The following EAF2 variants were observed in gnomAD, a reference collection of about 807,000 sequenced individuals.
EAF2 encodes ELL associated factor 2.
A neutral mutation model predicts 29.4 loss-of-function variants in EAF2; 29 were observed. The ratio of observed to expected loss-of-function variants is 0.99; its 90% CI spans 0.73 to 1.35. EAF2 has a LOEUF of 1.35. Ranked by LOEUF, EAF2 falls within the 40% of genes most tolerant of loss-of-function variation. The pLI is 0.00. For synonymous variants in EAF2, 103 were observed against 102.5 expected (o/e 1.00, Z -0.03); for missense variants, 292 against 312.0 (o/e 0.94, Z 0.48).
At chr3:121,837,809 G>GT (rs1365564667) in intron 1 of EAF2, 3 of 152,196 alleles carry the variant, frequency 2.0e-5, no homozygotes, top group Non-Finnish European at 4.4e-5. Flanking sequence ...GGCATGGGAT[G>GT]TTCTATCAAC....
At chr3:121,884,188 A>C (rs775207417) in intron 5 of EAF2, among the ~76,000 whole-genome samples, 6 of 151,664 alleles carry the variant, frequency 4.0e-5, no homozygotes, top group Admixed American at 6.6e-5. Flanking sequence ...AAATACAAAA[A>C]AATTAGCCAG....
intron 5 of EAF2, among the ~76,000 whole-genome samples, chr3:121,881,230 TG>T (rs1709186420): frequency 6.6e-6 from 1 of 152,202 alleles, no homozygotes; most frequent in Non-Finnish European, 1.5e-5. Flanking sequence ...CCTCATAGAA[TG>T]AGTTTGGAAG....
intron 4 of EAF2, 66 bp downstream of exon 4, chr3:121,857,222 G>A: frequency 7.0e-6 from 10 of 1,428,566 alleles, no homozygotes; most frequent in Non-Finnish European, 9.5e-6. Context: ...GGCCAGGCAT[G>A]GTGGCTCACA....
At chr3:121,877,938 T>C (rs1463873130) in intron 5 of EAF2, among the ~76,000 whole-genome samples, 2 of 152,038 alleles carry the variant, frequency 1.3e-5, no homozygotes, top group African/African-American at 4.8e-5. Flanking sequence ...TATGCCACTG[T>C]GTCCAGCTCA....
At chr3:121,869,895 A>T (rs898925041) in intron 4 of EAF2, among the ~76,000 whole-genome samples, 1 of 152,122 alleles carries the variant, frequency 6.6e-6, no homozygotes. Flanking sequence ...TCTAAAAAGA[A>T]GAGAAAAGAA....
chr3:121,872,189 C>T (rs1487506835), intron 4 of EAF2, among the ~76,000 whole-genome samples: 2 of 151,728 alleles, frequency 1.3e-5, no homozygotes, highest in African/African-American at 4.8e-5. Context: ...TTTAAAGGAA[C>T]AAAAAATAAT....
At chr3:121,858,055 A>C (rs906544607) in intron 4 of EAF2, among the ~76,000 whole-genome samples, 2 of 152,138 alleles carry the variant, frequency 1.3e-5, no homozygotes, top group South Asian at 2.1e-4. Flanking sequence ...ACATTTTCTT[A>C]ATCCAGTCTA....
chr3:121,852,136 T>A (rs923731090), intron 2 of EAF2, among the ~76,000 whole-genome samples: 2 of 152,214 alleles, frequency 1.3e-5, no homozygotes, highest in Non-Finnish European at 2.9e-5. Context: ...TCTTGATACT[T>A]CTTCAGGTGC....
chr3:121,862,757 G>A (rs1434557661), intron 4 of EAF2, among the ~76,000 whole-genome samples: 1 of 152,132 alleles, frequency 6.6e-6, no homozygotes, highest in African/African-American at 2.4e-5. Flanking sequence ...GAGGCACTCT[G>A]ATTTTTGGAA....
intron 1 of EAF2, among the ~76,000 whole-genome samples, chr3:121,844,174 A>G (rs1217846546): frequency 7.0e-6 from 1 of 142,390 alleles, no homozygotes; most frequent in Non-Finnish European, 1.6e-5. Flanking sequence ...GCAGTAGAAC[A>G]TGTTAGTCAG....
intron 2 of EAF2, among the ~76,000 whole-genome samples, chr3:121,845,632 ATTTAGAT>A (rs1559818226): frequency 6.6e-6 from 1 of 151,988 alleles, no homozygotes; most frequent in African/African-American, 2.4e-5. Context: ...ACATGATTAG[ATTTAGAT>A]TTCTTAGATT....
chr3:121,876,399 T>C (rs1257381994), intron 5 of EAF2, among the ~76,000 whole-genome samples: 1 of 151,866 alleles, frequency 6.6e-6, no homozygotes, highest in Non-Finnish European at 1.5e-5. Flanking sequence ...ATATGTTATA[T>C]ATATATTTCA....
intron 2 of EAF2, among the ~76,000 whole-genome samples, chr3:121,850,723 G>A (rs1708618051): frequency 6.6e-6 from 1 of 152,074 alleles, no homozygotes. Context: ...TTGAGACGGA[G>A]TCTCACTCTG....
intron 1 of EAF2, among the ~76,000 whole-genome samples, chr3:121,840,976 A>T (rs1015137013): frequency 6.6e-5 from 10 of 152,278 alleles, no homozygotes; most frequent in Admixed American, 2.0e-4. Flanking sequence ...TTGAAATAGG[A>T]TTCAAATTCT....
chr3:121,872,540 T>C lies in EAF2; in HGVS notation c.488T>C (p.Leu163Pro). Residue 163 changes from leucine to proline, a missense_variant, in exon 5 of 6, where the codon CTG becomes CCG. Transcript: ENST00000273668. Reference protein sequence around the residue: ...ASPIDDIERELKAEASLMDQM... With the variant: ...ASPIDDIEREPKAEASLMDQM... Reference sequence around the variant, plus strand: ...TTCATTTCTGTCTTATTTTCAGAACTGAAGGCAGAAGCTAGTCTAATGGAC... The same window carrying C: ...TTCATTTCTGTCTTATTTTCAGAACCGAAGGCAGAAGCTAGTCTAATGGAC... 2 of 1,596,220 alleles carry C rather than the reference T, an allele frequency of 1.3e-6. No homozygotes were observed. Among genetic ancestry groups the C allele is most frequent in the Non-Finnish European group, 1.7e-6 (2 of 1,169,306 alleles).
intron 4 of EAF2, among the ~76,000 whole-genome samples, chr3:121,863,292 G>A (rs1234447239): frequency 6.6e-6 from 1 of 152,204 alleles, no homozygotes; most frequent in Non-Finnish European, 1.5e-5. Context: ...TGCCCCCAGA[G>A]GTGGAGTCTA....
chr3:121,844,388 C>T (rs573942167), intron 1 of EAF2, 65 bp from the exon 2 acceptor site: 11 of 972,302 alleles, frequency 1.1e-5, no homozygotes, highest in Non-Finnish European at 1.6e-5. Context: ...CTGAAACATG[C>T]TCATAATTTT....
At chr3:121,846,368 A>T (rs1181457990) in intron 2 of EAF2, among the ~76,000 whole-genome samples, 2 of 152,318 alleles carry the variant, frequency 1.3e-5, no homozygotes, top group East Asian at 1.9e-4. Flanking sequence ...TTAGTATGAG[A>T]TGTTGTAGAT....
intron 1 of EAF2, among the ~76,000 whole-genome samples, chr3:121,838,877 G>A (rs116826108): frequency 0.019 from 2,863 of 152,260 alleles, 101 homozygotes; most frequent in African/African-American, 0.065. Flanking sequence ...GTTAAGATCT[G>A]TGGATGTAAG....
Sources: gnomAD v4.1 joint callset for allele counts (sites outside exome capture counted in the v4.1 genomes callset) on GRCh38, gnomAD v4.1.1 for gene constraint, MANE v1.5 for transcripts, NCBI Gene and HGNC (gene_info 2026-07-23, HGNC 2026-07-21) for gene names.